Variants in NF1 observed in about 807,000 individuals in gnomAD.
NF1 encodes the protein neurofibromin 1, also known as neurofibromin.
In NF1, 122 loss-of-function variants were observed where a neutral mutation model predicts 325.7. The ratio of observed to expected loss-of-function variants is 0.37; its 90% confidence interval spans 0.32 to 0.44. The LOEUF (loss-of-function observed/expected upper bound fraction) is 0.44. NF1 is among the 20% of genes least tolerant of loss of function. The pLI, the probability that NF1 is intolerant of heterozygous loss-of-function variation, is 1.00. For synonymous variants in NF1, 1,091 were observed against 1,186.0 expected, an observed-to-expected ratio of 0.92 and a Z score of 1.65; for missense variants, 2,140 against 3,415.4, an observed-to-expected ratio of 0.63 and a Z score of 9.31.
chr17:31,344,473 G>C (rs1597852803), intron 48 of NF1, among the ~76,000 whole-genome samples: 1 of 152,184 alleles, frequency 6.6e-6, no homozygotes, highest in African/African-American at 2.4e-5. Flanking sequence ...TCTCAGAAGT[G>C]GATTTGGCCA....
intron 36 of NF1, among the ~76,000 whole-genome samples, chr17:31,307,001 G>C (rs570751605): frequency 2.8e-4 from 42 of 150,652 alleles, no homozygotes; most frequent in African/African-American, 1.0e-3. Flanking sequence ...AAAGAAGAAA[G>C]AAAAAAAGCT....
chr17:31,336,556 A>T lies in NF1; in HGVS notation c.6148-79A>T, dbSNP rs2069674333. The T allele has an allele frequency of 1.2e-5, 19 of 1,593,784 alleles. No individual in the cohort carries two copies. In the South Asian group the frequency reaches 1.9e-4, roughly 16 times the overall value. On this transcript the variant is annotated intron_variant, in intron 41 of 57. Coordinates refer to ENST00000358273, the MANE Select transcript of NF1 (RefSeq NM_001042492.3). The surrounding 1 kb of genome is among the most constrained non-coding windows in gnomAD (Gnocchi z 5.5). ...TTTTTTGTTTTGTAATTACTTTTAA[A>T]TTAAACTGAACTTTTTTGTGCTAAA... is the stretch of plus-strand genomic sequence containing the variant.
At chr17:31,140,617 A>G (rs538762393) in intron 1 of NF1, among the ~76,000 whole-genome samples, 1 of 152,330 alleles carries the variant, frequency 6.6e-6, no homozygotes, top group African/African-American at 2.4e-5. Flanking sequence ...CTTAAAGGAG[A>G]TGAAATCACT....
chr17:31,164,925 G>A (rs1039676754), intron 4 of NF1, among the ~76,000 whole-genome samples: 21 of 152,140 alleles, frequency 1.4e-4, no homozygotes, highest in Non-Finnish European at 2.8e-4. Flanking sequence ...TAATAATACA[G>A]TGGTTGAGTC....
At chr17:31,332,524 G>C (rs1391163335) in intron 39 of NF1, among the ~76,000 whole-genome samples, 1 of 151,720 alleles carries the variant, frequency 6.6e-6, no homozygotes, top group African/African-American at 2.4e-5. Flanking sequence ...AATCATGAAG[G>C]GTGCTGACCG....
chr17:31,117,534 G>A (rs1175682499), intron 1 of NF1, among the ~76,000 whole-genome samples: 7 of 151,004 alleles, frequency 4.6e-5, no homozygotes, highest in Middle Eastern at 3.4e-3. Flanking sequence ...TTAGCTGGGC[G>A]TGGTGGCGGG....
At chr17:31,209,599 G>A (rs1321210557) in intron 12 of NF1, among the ~76,000 whole-genome samples, 4 of 151,912 alleles carry the variant, frequency 2.6e-5, no homozygotes, top group Non-Finnish European at 4.4e-5. Flanking sequence ...TTTTTATATC[G>A]TTTTGGCATT....
At position 31,095,230 on chromosome 17, in the gene NF1, A is replaced by T; in HGVS notation, c.-80A>T. 7.3e-7 allele frequency: 1 copy of T among 1,361,382 alleles called. No individual in the cohort carries two copies. The highest frequency in any genetic ancestry group is 1.0e-6 in the Non-Finnish European group (1 of 992,938). 84.3% of individuals were successfully genotyped at this position (1,361,382 alleles called of 1,614,324 possible). A position where few individuals can be genotyped will look rare whatever the true frequency, so the allele number is the denominator to read the frequency against. On this transcript the variant is annotated 5_prime_UTR_variant, in exon 1 of 58. Coordinates refer to ENST00000358273, the MANE Select transcript of NF1 (RefSeq NM_001042492.3). ...CTCTCCTTGCCTCTTCCCTCACCTC[A>T]GCCTCCGCTCCCCGCCCTCTTCCCG...
rs71142044 is a variant in NF1 at position 31,293,178 on chromosome 17, C to CAAAAAAAAAAAAAAAAAAAAAAAAAAAAA, written c.4835+27844_4835+27872dup. Among the ~76,000 whole-genome samples, 6 of 64,844 alleles carry CAAAAAAAAAAAAAAAAAAAAAAAAAAAAA rather than the reference C, an allele frequency of 9.3e-5. 1 individual carries two copies. The highest frequency in any genetic ancestry group is 5.0e-4 in the East Asian group (1 of 1,988). 42.5% of individuals were successfully genotyped at this position (64,844 alleles called of 152,430 possible). A position where few individuals can be genotyped will look rare whatever the true frequency, so the allele number is the denominator to read the frequency against. On this transcript the variant is annotated intron_variant, in intron 36 of 57. Coordinates refer to ENST00000358273, the MANE Select transcript of NF1 (RefSeq NM_001042492.3). ...GGGGGATAAGAGCGAGACTTCGTCT[C>CAAAAAAAAAAAAAAAAAAAAAAAAAAAAA]AAAAAAAAAAAAAAAAAAAAAAAAA...
intron 36 of NF1, among the ~76,000 whole-genome samples, chr17:31,307,108 C>T (rs148241795): frequency 2.0e-5 from 3 of 152,110 alleles, no homozygotes; most frequent in Non-Finnish European, 2.9e-5. Flanking sequence ...CTGCAAATTC[C>T]GCTTCCCAGG....
Position 31,336,944 on chromosome 17 carries a change from C to A in NF1, c.6427+30C>A, listed in dbSNP as rs2151555303. 2 of 1,600,528 alleles carry A rather than the reference C, an allele frequency of 1.2e-6. No homozygotes were observed. The highest frequency in any genetic ancestry group is 1.7e-6 in the Non-Finnish European group (2 of 1,177,618). ...GTTCTAGGAAAGGAATTTGTGTTTA[C>A]CAGTTCCTTTCTCCATTTTACTTCA... On this transcript the variant is annotated intron_variant, in intron 42 of 57. Transcript: ENST00000358273. The surrounding 1 kb of genome is among the most constrained non-coding windows in gnomAD (Gnocchi z 5.5).
At chr17:31,268,104 A>G (rs1434905614) in intron 36 of NF1, among the ~76,000 whole-genome samples, 2 of 152,008 alleles carry the variant, frequency 1.3e-5, no homozygotes, top group East Asian at 1.9e-4. Flanking sequence ...TTTGTGTTCA[A>G]CTCTTCCTCA....
chr17:31,366,255 A>T (rs1389345401), intron 57 of NF1, among the ~76,000 whole-genome samples: 2 of 152,192 alleles, frequency 1.3e-5, no homozygotes, highest in African/African-American at 4.8e-5. Flanking sequence ...TTTACTAGGA[A>T]AAAGGCTTTA....
At chr17:31,210,128 CCTT>C (rs1310404973) in intron 12 of NF1, among the ~76,000 whole-genome samples, 1 of 152,210 alleles carries the variant, frequency 6.6e-6, no homozygotes, top group Non-Finnish European at 1.5e-5. Flanking sequence ...CTTTAGTTGT[CCTT>C]CTTCACTAGC....
At chr17:31,311,197 C>G (rs1459664743) in intron 36 of NF1, among the ~76,000 whole-genome samples, 2 of 152,102 alleles carry the variant, frequency 1.3e-5, no homozygotes, top group African/African-American at 2.4e-5. Flanking sequence ...AAGTGACCCA[C>G]CCACCTTGGC....
At chr17:31,259,907 GA>G (rs1166672219) in intron 33 of NF1, among the ~76,000 whole-genome samples, 21 of 152,150 alleles carry the variant, frequency 1.4e-4, no homozygotes, top group Non-Finnish European at 1.3e-4. Flanking sequence ...AATTGGAGTT[GA>G]AAAGGTATAT....
At chr17:31,131,652 G>A (rs922259936) in intron 1 of NF1, among the ~76,000 whole-genome samples, 1 of 152,132 alleles carries the variant, frequency 6.6e-6, no homozygotes, top group Non-Finnish European at 1.5e-5. Context: ...TACATTCTGT[G>A]GGCTGTTCTT....
intron 8 of NF1, among the ~76,000 whole-genome samples, chr17:31,185,292 G>A (rs1456808166): frequency 2.0e-5 from 3 of 152,266 alleles, no homozygotes; most frequent in East Asian, 3.9e-4. Context: ...CGCTACACTC[G>A]TAAAGAACTG....
At chr17:31,202,594 G>A (rs1302001838) in intron 11 of NF1, among the ~76,000 whole-genome samples, 1 of 152,018 alleles carries the variant, frequency 6.6e-6, no homozygotes, top group African/African-American at 2.4e-5. Context: ...AAGATCGTCT[G>A]GCCTCATTTC....
Sources: allele counts gnomAD v4.1 joint callset (sites outside exome capture counted in the v4.1 genomes callset), GRCh38; gene constraint gnomAD v4.1.1; non-coding constraint Gnocchi (gnomAD v3.1); transcripts MANE v1.5; gene names NCBI Gene and HGNC (gene_info 2026-07-23, HGNC 2026-07-21).